LRMDA: variants seen among roughly 807,000 people sequenced by gnomAD.
The protein encoded by LRMDA is leucine rich melanocyte differentiation associated, also known as leucine-rich melanocyte differentiation-associated protein.
Under a neutral mutation model 29.8 loss-of-function variants are expected in LRMDA, and 18 were observed. That is an observed-to-expected ratio of 0.60 (90% CI 0.42 to 0.90). LRMDA has a LOEUF of 0.90. Among genes scored for constraint, LRMDA ranks in the 40% least tolerant of loss-of-function variants. The pLI, the probability that LRMDA is intolerant of heterozygous loss-of-function variation, is 0.00. For missense variants in LRMDA, 273 were observed against 273.9 expected, an observed-to-expected ratio of 1.00 and a Z score of 0.02; for synonymous variants, 125 against 109.4, an observed-to-expected ratio of 1.14 and a Z score of -0.89.
chr10:76,080,507 T>C (rs902306272), intron 5 of LRMDA, among the ~76,000 whole-genome samples: 10 of 152,200 alleles, frequency 6.6e-5, no homozygotes, highest in Admixed American at 6.5e-4. Context: ...TCACCAAGTG[T>C]TATTCTGAAA....
At chr10:75,461,351 AG>A (rs905758555) in intron 2 of LRMDA, among the ~76,000 whole-genome samples, 3 of 152,050 alleles carry the variant, frequency 2.0e-5, no homozygotes, top group Non-Finnish European at 4.4e-5. Flanking sequence ...GGGTATAGAG[AG>A]GGCTCCTCTT....
chr10:75,867,355 G>A (rs904803739), intron 2 of LRMDA, among the ~76,000 whole-genome samples: 1 of 152,116 alleles, frequency 6.6e-6, no homozygotes, highest in African/African-American at 2.4e-5. Flanking sequence ...TAGAGACAGG[G>A]TTTCACCATG....
chr10:76,258,828 T>C (rs1016063820), intron 5 of LRMDA, among the ~76,000 whole-genome samples: 3 of 152,202 alleles, frequency 2.0e-5, no homozygotes, highest in Non-Finnish European at 4.4e-5. Flanking sequence ...TATTCCATTG[T>C]GTGTATATAT....
At chr10:76,009,096 A>G (rs924022346) in intron 2 of LRMDA, among the ~76,000 whole-genome samples, 2 of 152,154 alleles carry the variant, frequency 1.3e-5, no homozygotes, top group African/African-American at 4.8e-5. Flanking sequence ...AAGGGACTGC[A>G]CTGTCTGCAG....
At chr10:75,904,741 T>C (rs1180138846) in intron 2 of LRMDA, among the ~76,000 whole-genome samples, 1 of 152,164 alleles carries the variant, frequency 6.6e-6, no homozygotes, top group East Asian at 1.9e-4. Flanking sequence ...TCAGCCCAAA[T>C]TTTCAAAGCC....
intron 5 of LRMDA, among the ~76,000 whole-genome samples, chr10:76,168,993 G>A (rs1850788427): frequency 6.6e-6 from 1 of 152,118 alleles, no homozygotes; most frequent in Non-Finnish European, 1.5e-5. Flanking sequence ...AACAAGGTGG[G>A]GAGAAAAGAA....
At chr10:76,105,908 G>A (rs770989358) in intron 5 of LRMDA, among the ~76,000 whole-genome samples, 2 of 152,004 alleles carry the variant, frequency 1.3e-5, no homozygotes, top group Non-Finnish European at 1.5e-5. Flanking sequence ...CACCATGCCC[G>A]GCTAATTTTT....
At chr10:76,072,614 A>G (rs1848892872) in intron 5 of LRMDA, among the ~76,000 whole-genome samples, 2 of 152,214 alleles carry the variant, frequency 1.3e-5, no homozygotes, top group South Asian at 2.1e-4. Context: ...AAAAATGAAC[A>G]TGGAGCTCCT....
intron 5 of LRMDA, among the ~76,000 whole-genome samples, chr10:76,230,585 C>G (rs1182669700): frequency 2.7e-5 from 4 of 149,930 alleles, no homozygotes; most frequent in African/African-American, 9.8e-5. Context: ...AAATCCCATG[C>G]ATGAATAAAA....
chr10:76,340,321 G>A (rs1348178381), intron 6 of LRMDA, among the ~76,000 whole-genome samples: 1 of 151,884 alleles, frequency 6.6e-6, no homozygotes, highest in African/African-American at 2.4e-5. Flanking sequence ...TTTGAGATCG[G>A]CCTGGCCAAT....
chr10:75,813,817 T>C (rs1009960608), intron 2 of LRMDA, among the ~76,000 whole-genome samples: 4 of 152,228 alleles, frequency 2.6e-5, no homozygotes, highest in African/African-American at 9.6e-5. Flanking sequence ...CTGATTACCC[T>C]ATGCTTGCTC....
At chr10:75,436,719 T>C (rs1844268219) in intron 1 of LRMDA, among the ~76,000 whole-genome samples, 2 of 151,982 alleles carry the variant, frequency 1.3e-5, no homozygotes, top group African/African-American at 2.4e-5. Flanking sequence ...TCCTCCCACC[T>C]CGGCTTCCCA....
chr10:75,977,245 A>G (rs1485550581), intron 2 of LRMDA, among the ~76,000 whole-genome samples: 3 of 152,184 alleles, frequency 2.0e-5, no homozygotes, highest in Admixed American at 6.5e-5. Context: ...TTTCCCAGCA[A>G]TTTACTCATA....
intron 5 of LRMDA, among the ~76,000 whole-genome samples, chr10:76,205,567 A>C (rs1851519078): frequency 6.6e-6 from 1 of 152,162 alleles, no homozygotes; most frequent in African/African-American, 2.4e-5. Context: ...TCACATTCCA[A>C]ATTGATAAAG....
chr10:76,118,569 A>T (rs1399501143), intron 5 of LRMDA, among the ~76,000 whole-genome samples: 4 of 152,182 alleles, frequency 2.6e-5, no homozygotes, highest in African/African-American at 9.7e-5. Flanking sequence ...CATACACAAG[A>T]TTCTGCCTTT....
chr10:75,901,643 T>G (rs1379361230), intron 2 of LRMDA, among the ~76,000 whole-genome samples: 2 of 152,122 alleles, frequency 1.3e-5, no homozygotes, highest in Non-Finnish European at 1.5e-5. Context: ...AAGCTTCAAG[T>G]CAAAGTGCAA....
rs71024563 is a variant in LRMDA at position 75,788,027 on chromosome 10, TCAAAAA to T, written c.132-247962_132-247957del. Among the ~76,000 whole-genome samples the T allele has an allele frequency of 5.3e-5, 8 of 149,900 alleles. No homozygotes were observed. The East Asian group carries it at 7.9e-4, about 15-fold the overall frequency. Reference sequence around the variant, plus strand: ...CTGGGCGACAGAGTGAGACTCCGTCTCAAAAACAAAAACAAAAACAAAAATTAGCTG... The same window carrying T: ...CTGGGCGACAGAGTGAGACTCCGTCTCAAAAACAAAAACAAAAATTAGCTG... On this transcript the variant is annotated intron_variant, in intron 2 of 6. Transcript: ENST00000611255.
chr10:75,622,263 G>A (rs1233628743), intron 2 of LRMDA, among the ~76,000 whole-genome samples: 1 of 152,026 alleles, frequency 6.6e-6, no homozygotes, highest in East Asian at 1.9e-4. Flanking sequence ...GACAAAGATG[G>A]GGGAAATATG....
chr10:75,625,349 G>A (rs886171332), intron 2 of LRMDA, among the ~76,000 whole-genome samples: 4 of 152,166 alleles, frequency 2.6e-5, no homozygotes, highest in Admixed American at 6.5e-5. Flanking sequence ...CAGCTTAGGT[G>A]ACTTGTCCAA....
Sources: allele counts gnomAD v4.1 joint callset (sites outside exome capture counted in the v4.1 genomes callset), GRCh38; gene constraint gnomAD v4.1.1; transcripts MANE v1.5; gene names NCBI Gene and HGNC (gene_info 2026-07-23, HGNC 2026-07-21).